The following LOC728743 variants were observed in gnomAD, a reference collection of about 807,000 sequenced individuals.
chr7:150,400,766 T>C, the LOC728743 span: 9 of 152,228 alleles, frequency 5.9e-5, no homozygotes, highest in Admixed American at 1.3e-4. Context: ...TCTTCCATTT[T>C]AAAATGATAA....
At chr7:150,407,594 T>C in the LOC728743 span, 2 of 398,524 alleles carry the variant, frequency 5.0e-6, no homozygotes, top group Non-Finnish European at 8.8e-6. Context: ...GGACTGGTGA[T>C]TGCAGCTGGA....
At chr7:150,406,404 A>C in the LOC728743 span, among the ~76,000 whole-genome samples, 1 of 152,068 alleles carries the variant, frequency 6.6e-6, no homozygotes, top group Non-Finnish European at 1.5e-5. Flanking sequence ...GCCCTTTGGA[A>C]TGCATGGCTC....
the LOC728743 span, chr7:150,404,485 T>C: frequency 6.6e-6 from 1 of 152,176 alleles, no homozygotes. Context: ...TTCCCGTCTA[T>C]AAAATGGGAT....
At chr7:150,407,612 A>C in the LOC728743 span, 1 of 398,700 alleles carries the variant, frequency 2.5e-6, no homozygotes, top group Non-Finnish European at 4.4e-6. Context: ...GGAAGTGCCC[A>C]TGACCGAGCT....
the LOC728743 span, among the ~76,000 whole-genome samples, chr7:150,409,142 G>GC: frequency 1.1e-3 from 153 of 136,576 alleles, no homozygotes; most frequent in African/African-American, 3.2e-3. Context: ...TGTTTTCAAG[G>GC]GAGGGGGGGT....
the LOC728743 span, among the ~76,000 whole-genome samples, chr7:150,409,140 A>AG: frequency 0.61 from 66,761 of 110,270 alleles, 18,607 homozygotes; most frequent in East Asian, 0.71. Context: ...GGTGTTTTCA[A>AG]GGGAGGGGGG....
At chr7:150,401,736 T>A in the LOC728743 span, among the ~76,000 whole-genome samples, 1 of 152,208 alleles carries the variant, frequency 6.6e-6, no homozygotes, top group Non-Finnish European at 1.5e-5. Context: ...AGCGCTCTAT[T>A]TCTGTGCTGT....
At chr7:150,407,667 G>T in the LOC728743 span, 1 of 399,464 alleles carries the variant, frequency 2.5e-6, no homozygotes. Flanking sequence ...GGGGAGGAGG[G>T]TCTGGGGGAC....
chr7:150,405,657 C>T, the LOC728743 span: 1 of 152,202 alleles, frequency 6.6e-6, no homozygotes, highest in Non-Finnish European at 1.5e-5. Context: ...CCATATTTCT[C>T]CAGGGTTGCT....
the LOC728743 span, chr7:150,410,311 G>A: frequency 2.5e-5 from 10 of 397,212 alleles, no homozygotes; most frequent in East Asian, 1.1e-4. Flanking sequence ...GGTGCACTGC[G>A]GTGACCAGTG....
At chr7:150,408,058 GCCCGCGCCGCA>G in the LOC728743 span, 23 of 387,284 alleles carry the variant, frequency 5.9e-5, no homozygotes, top group Admixed American at 5.8e-4. Flanking sequence ...ACGCGCGCAT[GCCCGCGCCGCA>G]CCCGCGCCGC....
the LOC728743 span, chr7:150,410,369 G>A: frequency 5.1e-6 from 2 of 392,614 alleles, no homozygotes; most frequent in East Asian, 7.2e-5. Flanking sequence ...CCAAGCTCTG[G>A]TGGACAAACT....
chr7:150,408,949 C>T, the LOC728743 span, among the ~76,000 whole-genome samples: 40 of 152,154 alleles, frequency 2.6e-4, no homozygotes, highest in Non-Finnish European at 5.4e-4. Flanking sequence ...ACATGAGGAC[C>T]GCAGGCCCTG....
chr7:150,406,171 C>T, the LOC728743 span, among the ~76,000 whole-genome samples: 6 of 152,244 alleles, frequency 3.9e-5, no homozygotes, highest in Admixed American at 2.0e-4. Flanking sequence ...CTCGAGGGTA[C>T]GGAAGACAGA....
At chr7:150,402,784 G>C in the LOC728743 span, among the ~76,000 whole-genome samples, 14 of 152,350 alleles carry the variant, frequency 9.2e-5, no homozygotes, top group East Asian at 2.7e-3. Flanking sequence ...GCTGGAGGAT[G>C]CGGGGAGCAG....
chr7:150,407,449 C>T, the LOC728743 span: 1 of 397,214 alleles, frequency 2.5e-6, no homozygotes, highest in Non-Finnish European at 4.4e-6. Flanking sequence ...GGAACTTGAG[C>T]TTGAACAAAA....
the LOC728743 span, among the ~76,000 whole-genome samples, chr7:150,409,525 T>G: frequency 5.6e-4 from 85 of 152,342 alleles, no homozygotes; most frequent in African/African-American, 2.0e-3. Flanking sequence ...CAAGCTTGCC[T>G]ACACCACAGT....
chr7:150,408,620 C>T, the LOC728743 span: 804 of 166,980 alleles, frequency 4.8e-3, 3 homozygotes, highest in Non-Finnish European at 8.5e-3. Context: ...TGATGAGCTG[C>T]TTACCGGATC....
At chr7:150,405,092 G>C in the LOC728743 span, 1 of 152,196 alleles carries the variant, frequency 6.6e-6, no homozygotes, top group African/African-American at 2.4e-5. Flanking sequence ...TCGGCGGATC[G>C]GGGGGCTTGA....
Sources: allele counts gnomAD v4.1 joint callset (sites outside exome capture counted in the v4.1 genomes callset), GRCh38; gene constraint gnomAD v4.1.1; transcripts MANE v1.5.